The following TMEM236 variants were observed in gnomAD, a reference collection of about 807,000 sequenced individuals.
TMEM236 encodes the protein transmembrane protein 236.
In TMEM236, 11 loss-of-function variants were observed where a neutral mutation model predicts 14.7. The ratio of observed to expected loss-of-function variants is 0.75; its 90% confidence interval spans 0.47 to 1.24. TMEM236 has a LOEUF of 1.24. Among genes scored for constraint, TMEM236 ranks in the 50% most tolerant of loss-of-function variants. TMEM236 has a pLI of 0.00. For missense variants in TMEM236, 464 were observed against 427.3 expected (o/e 1.09, Z -0.76); for synonymous variants, 182 against 168.6 (o/e 1.08, Z -0.62).
At chr10:17,772,866 A>T (rs982191693) in intron 2 of TMEM236, among the ~76,000 whole-genome samples, 1 of 151,962 alleles carries the variant, frequency 6.6e-6, no homozygotes, top group Non-Finnish European at 1.5e-5. Context: ...TCCAGAAGTC[A>T]CTTCTAACTT....
chr10:17,773,022 G>A (rs1175725132), intron 2 of TMEM236, among the ~76,000 whole-genome samples: 1 of 152,184 alleles, frequency 6.6e-6, no homozygotes, highest in South Asian at 2.1e-4. Context: ...GTTTTCAGCT[G>A]TAGAGTATTA....
intron 1 of TMEM236, among the ~76,000 whole-genome samples, chr10:17,770,743 A>T (rs1837557660): frequency 6.6e-6 from 1 of 152,210 alleles, no homozygotes; most frequent in Non-Finnish European, 1.5e-5. Context: ...CTCAATAGCT[A>T]TTTGATTGGT....
chr10:17,768,191 G>A (rs1419250504), intron 1 of TMEM236, among the ~76,000 whole-genome samples: 1 of 142,594 alleles, frequency 7.0e-6, no homozygotes, highest in Non-Finnish European at 1.5e-5. Flanking sequence ...GCCTCCCAAA[G>A]TGCTGGAATT....
intron 3 of TMEM236, among the ~76,000 whole-genome samples, chr10:17,778,222 A>C (rs894143251): frequency 3.7e-4 from 56 of 152,328 alleles, no homozygotes; most frequent in Admixed American, 1.4e-3. Flanking sequence ...ATTTAGGAAG[A>C]TTAGTGTCTG....
chr10:17,795,791 A>G (rs2131770356), intron 3 of TMEM236, 130 bp from the exon 4 acceptor site: 1 of 1,022,338 alleles, frequency 9.8e-7, no homozygotes, highest in South Asian at 1.6e-5. Context: ...ATAAAATTAA[A>G]TTAAATTAAG....
At chr10:17,770,792 T>C (rs1164353487) in intron 1 of TMEM236, among the ~76,000 whole-genome samples, 1 of 152,242 alleles carries the variant, frequency 6.6e-6, no homozygotes, top group Non-Finnish European at 1.5e-5. Context: ...AAAAACAAGT[T>C]TGAAAAATTA....
chr10:17,791,837 C>G (rs1589153427), intron 3 of TMEM236, among the ~76,000 whole-genome samples: 1 of 152,152 alleles, frequency 6.6e-6, no homozygotes, highest in Non-Finnish European at 1.5e-5. Context: ...AAAGCCCAGC[C>G]ACCATTTATT....
intron 2 of TMEM236, among the ~76,000 whole-genome samples, chr10:17,774,677 A>G (rs1837629526): frequency 6.6e-6 from 1 of 151,944 alleles, no homozygotes; most frequent in Non-Finnish European, 1.5e-5. Context: ...TGCCTTTTTA[A>G]TTTTCATATA....
Position 17,796,283 on chromosome 10 carries a change from C to A in TMEM236, c.835C>A (p.Arg279=), listed in dbSNP as rs1270327044. Residue 279 remains arginine (R), a synonymous_variant, in exon 4 of 4, where the codon CGA becomes AGA. Coordinates refer to ENST00000377495, the MANE Select transcript of TMEM236 (RefSeq NM_001098844.3). The part of the protein sequence containing the change: ...VYIFSFISLL[R]ITFTPQNPLL... ...CATATTCAGTTTTATTTCTCTCCTT[C>A]GAATTACATTCACTCCCCAAAACCC... The A allele has an allele frequency of 1.2e-6, 2 of 1,613,824 alleles. No homozygotes were observed. The highest frequency in any genetic ancestry group is 1.7e-6 in the Non-Finnish European group (2 of 1,179,872).
rs891520347 is a variant in TMEM236, at chr10:17,790,010, C to T, written c.473-5911C>T. 8.8e-4 allele frequency among the ~76,000 whole-genome samples: 133 copies of T among 151,988 alleles called. 1 individual carries two copies. The highest frequency in any genetic ancestry group is 1.7e-3 in the Admixed American group (26 of 15,256). The stretch of plus-strand genomic sequence containing the variant: ...TGGCACTCCAGCCTGGGCGACAGAG[C>T]GGGACTCCGTCTCAAAAAAAGAAAA... On this transcript the variant is annotated intron_variant, in intron 3 of 3. Coordinates refer to ENST00000377495, the MANE Select transcript of TMEM236 (RefSeq NM_001098844.3).
At chr10:17,755,844 A>G (rs1837277372) in intron 1 of TMEM236, among the ~76,000 whole-genome samples, 1 of 152,148 alleles carries the variant, frequency 6.6e-6, no homozygotes, top group African/African-American at 2.4e-5. Flanking sequence ...AAGACTCTAG[A>G]TTCTGAATGT....
intron 3 of TMEM236, among the ~76,000 whole-genome samples, chr10:17,782,074 C>T (rs1554835460): frequency 2.6e-5 from 4 of 151,944 alleles, no homozygotes. Flanking sequence ...GCAAAGTGAG[C>T]CCCCATCTAA....
At chr10:17,783,449 G>T (rs947210433) in intron 3 of TMEM236, among the ~76,000 whole-genome samples, 1 of 152,188 alleles carries the variant, frequency 6.6e-6, no homozygotes, top group Non-Finnish European at 1.5e-5. Flanking sequence ...ACATCAGCGA[G>T]AGGTGCCCGG....
chr10:17,778,823 TA>T (rs1321979700), intron 3 of TMEM236, among the ~76,000 whole-genome samples: 1 of 152,224 alleles, frequency 6.6e-6, no homozygotes, highest in Non-Finnish European at 1.5e-5. Flanking sequence ...TCCAAAATTT[TA>T]AATAAGTTAT....
chr10:17,772,144 T>C (rs1837583105), intron 2 of TMEM236, among the ~76,000 whole-genome samples: 1 of 152,044 alleles, frequency 6.6e-6, no homozygotes, highest in East Asian at 1.9e-4. Context: ...TATGGCCGAG[T>C]CTCTCATATA....
intron 1 of TMEM236, among the ~76,000 whole-genome samples, chr10:17,753,407 C>A (rs982613409): frequency 6.6e-6 from 1 of 152,160 alleles, no homozygotes; most frequent in African/African-American, 2.4e-5. Context: ...CCACCGTTCA[C>A]CCTCTGGAAG....
chr10:17,796,838 A>G lies in TMEM236; in HGVS notation c.*334A>G. The G allele has an allele frequency of 3.0e-6, 1 of 333,162 alleles. No homozygotes were observed. The highest frequency in any genetic ancestry group is 5.6e-6 in the Non-Finnish European group (1 of 178,588). The allele number at this position is 333,162 out of a possible 1,614,324, so 20.6% of individuals were successfully genotyped here. On this transcript the variant is annotated 3_prime_UTR_variant, in exon 4 of 4. Transcript: ENST00000377495. Reference sequence around the variant, plus strand: ...TGATCTGTTAGCAAGCAGACCGCACAGCACGTGGTGAACCTCAAACTGAGC... The same window carrying G: ...TGATCTGTTAGCAAGCAGACCGCACGGCACGTGGTGAACCTCAAACTGAGC...
chr10:17,788,001 A>G (rs1837866362), intron 3 of TMEM236, among the ~76,000 whole-genome samples: 5 of 152,160 alleles, frequency 3.3e-5, no homozygotes, highest in African/African-American at 1.2e-4. Context: ...TGAGATAACT[A>G]TATGCACCTT....
chr10:17,767,456 T>C (rs559840880), intron 1 of TMEM236, among the ~76,000 whole-genome samples: 49 of 152,236 alleles, frequency 3.2e-4, no homozygotes, highest in African/African-American at 1.0e-3. Context: ...TAAGACTCCA[T>C]CTCAAAAAAT....
Sources: allele counts gnomAD v4.1 joint callset (sites outside exome capture counted in the v4.1 genomes callset), GRCh38; gene constraint gnomAD v4.1.1; transcripts MANE v1.5; gene names NCBI Gene and HGNC (gene_info 2026-07-23, HGNC 2026-07-21).